Variants in CEP170B observed in about 807,000 individuals in gnomAD.
CEP170B encodes centrosomal protein 170B, also known as centrosomal protein of 170 kDa protein B.
CEP170B carries 55 observed loss-of-function variants against 120.6 expected under a neutral mutation model. That is an observed-to-expected ratio of 0.46 (90% CI 0.37 to 0.57). The LOEUF (loss-of-function observed/expected upper bound fraction) is 0.57, where lower values mean the gene tolerates loss of function less well. CEP170B is among the 20% of genes least tolerant of loss of function. The pLI is 0.00. For synonymous variants in CEP170B, 1,033 were observed against 954.5 expected, an observed-to-expected ratio of 1.08 and a Z score of -1.52; for missense variants, 2,212 against 2,253.3, an observed-to-expected ratio of 0.98 and a Z score of 0.37.
Position 104,891,398 on chromosome 14 carries a change from C to T in CEP170B, c.3879-1578C>T, listed in dbSNP as rs1285106244. On this transcript the variant is annotated intron_variant, in intron 13 of 18. Coordinates refer to ENST00000414716, the MANE Select transcript of CEP170B (RefSeq NM_001112726.3). The surrounding 1 kb of genome is among the most constrained non-coding windows in gnomAD (Gnocchi z 4.3). ...TTGTGGAGGATGCTGAGCTTGAAGC[C>T]CATGAGGGACCTGGAAGGAGGTGGC... is the stretch of plus-strand genomic sequence containing the variant. 1.3e-5 allele frequency among the ~76,000 whole-genome samples: 2 copies of T among 152,010 alleles called. No individual in the cohort carries two copies. Among genetic ancestry groups the T allele is most frequent in the African/African-American group, 2.4e-5 (1 of 41,352 alleles).
chr14:104,880,901 C>A (rs565565685), intron 6 of CEP170B, among the ~76,000 whole-genome samples: 10 of 149,780 alleles, frequency 6.7e-5, no homozygotes, highest in Admixed American at 4.6e-4. Flanking sequence ...TTACCCCACA[C>A]ACACAGCTAC....
In CEP170B at chr14:104,889,714, T is replaced by G. The variant is rs201841589; in HGVS notation, c.3834T>G (p.Pro1278=). The stretch of plus-strand genomic sequence containing the variant: ...ACGACGATGAGGAGGAGCCTGACCC[T>G]TATGGTTTCATCGTGCAGACGGCAG... ...DTDDDEEEPD[P]YGFIVQTAEI... Residue 1278 remains proline, a synonymous_variant, in exon 13 of 19, where the codon CCT becomes CCG. Transcript: ENST00000414716. The G allele has an allele frequency of 3.1e-6, 5 of 1,610,286 alleles. No individual in the cohort carries two copies. The African/African-American group carries it at 4.0e-5, about 13-fold the overall frequency.
At chr14:104,878,790 G>T (rs1895993926) in intron 5 of CEP170B, among the ~76,000 whole-genome samples, 1 of 152,154 alleles carries the variant, frequency 6.6e-6, no homozygotes, top group Admixed American at 6.5e-5. Context: ...GCTCTGGGAG[G>T]GGCCTGGGAG....
At position 104,883,118 on chromosome 14, in the gene CEP170B, C is replaced by T. The variant is rs756704833; in HGVS notation, c.661C>T (p.Arg221Trp). ...PAEPQGCSFR[R>W]EPSYFEIPTK... ...TGAGCCTCAGGGCTGCTCGTTCCGG[C>T]GGGAGCCCAGCTACTTCGAGATCCC... is the stretch of plus-strand genomic sequence containing the variant. Residue 221 changes from arginine to tryptophan, a missense_variant, in exon 8 of 19, where the codon CGG becomes TGG. Physicochemically the swap from Arg to Trp is moderately radical, Grantham distance 101. Transcript: ENST00000414716. 43 of 1,593,590 alleles carry T rather than the reference C, an allele frequency of 2.7e-5. No individual in the cohort carries two copies. Among genetic ancestry groups the T allele is most frequent in the East Asian group, 4.5e-5 (2 of 44,120 alleles).
rs1294926282 is a variant in CEP170B, at chr14:104,883,500, C to G, written c.1043C>G (p.Thr348Ser). The G allele has an allele frequency of 6.5e-7, 1 of 1,540,864 alleles. No individual in the cohort carries two copies. Among genetic ancestry groups the G allele is most frequent in the Non-Finnish European group, 8.8e-7 (1 of 1,140,584 alleles). Reference sequence around the variant, plus strand: ...AGCGACCTGCCTGTCCACACCCGCACCCTGAAGGGTGAGTGCCCAGCTGGC... The same window carrying G: ...AGCGACCTGCCTGTCCACACCCGCAGCCTGAAGGGTGAGTGCCCAGCTGGC... ...TKSDLPVHTRTLKGHKHEDGT... is the reference protein window; with the variant it reads ...TKSDLPVHTRSLKGHKHEDGT... Residue 348 changes from threonine to serine, a missense_variant, in exon 8 of 19, where the codon ACC becomes AGC. Coordinates refer to ENST00000414716, the MANE Select transcript of CEP170B (RefSeq NM_001112726.3).
chr14:104,871,708 A>G (rs1293024070), intron 2 of CEP170B, among the ~76,000 whole-genome samples: 7 of 152,270 alleles, frequency 4.6e-5, no homozygotes, highest in Non-Finnish European at 1.5e-5. Flanking sequence ...CTGAGGCCCA[A>G]GGAGCCGCAG....
At chr14:104,877,836 A>AGCCCCCCCCCCCCCCC in intron 3 of CEP170B, 49 bp from the exon 4 acceptor site, 1 of 237,062 alleles carries the variant, frequency 4.2e-6, no homozygotes, top group South Asian at 4.5e-5. Flanking sequence ...GCCCACAGCC[A>AGCCCCCCCCCCCCCCC]CCCACCCGCG....
At position 104,889,737 on chromosome 14, in the gene CEP170B, C is replaced by T. The variant is rs200360763; in HGVS notation, c.3857C>T (p.Ala1286Val). 58 of 1,605,366 alleles carry T rather than the reference C, an allele frequency of 3.6e-5. No homozygotes were observed. In the African/African-American group the frequency reaches 7.1e-4, roughly 20 times the overall value. ...CCTTATGGTTTCATCGTGCAGACGG[C>T]AGAGATTGCGGAGATTGCCAGGTGA... Reference protein sequence around the residue: ...PDPYGFIVQTAEIAEIARLSQ... With the variant: ...PDPYGFIVQTVEIAEIARLSQ... The change falls in exon 13 of 19, where the codon GCA becomes GTA. Residue 1286 changes from alanine to valine, a missense_variant. Coordinates refer to ENST00000414716, the MANE Select transcript of CEP170B (RefSeq NM_001112726.3).
At chr14:104,872,730 A>C (rs1312656238) in intron 2 of CEP170B, among the ~76,000 whole-genome samples, 2 of 152,082 alleles carry the variant, frequency 1.3e-5, no homozygotes, top group Non-Finnish European at 2.9e-5. Context: ...TGTGGCCGCC[A>C]ATGGGGAACT....
chr14:104,877,862 C>CG lies in CEP170B; in HGVS notation c.196-23_196-22insG, dbSNP rs768138176. 4 of 1,192,884 alleles carry CG rather than the reference C, an allele frequency of 3.4e-6. No individual in the cohort carries two copies. The African/African-American group carries it at 5.1e-5, about 15-fold the overall frequency. 73.9% of individuals were successfully genotyped at this position (1,192,884 alleles called of 1,614,324 possible). A position where few individuals can be genotyped will look rare whatever the true frequency, so the allele number is the denominator to read the frequency against. On this transcript the variant is annotated intron_variant, in intron 3 of 18. Transcript: ENST00000414716. ...CCCACCCGCGCAGCTCCCCCCCCCC[C>CG]CCCGCCACCTGTTTTCCTGCAGACG... is the stretch of plus-strand genomic sequence containing the variant.
intron 2 of CEP170B, among the ~76,000 whole-genome samples, chr14:104,871,281 C>T (rs1470402650): frequency 2.0e-5 from 3 of 152,152 alleles, no homozygotes; most frequent in Non-Finnish European, 4.4e-5. Context: ...TGGGGCCTCT[C>T]AGAGGCATCC....
At chr14:104,894,516 C>G (rs758832144) in intron 17 of CEP170B, 21 bp from the exon 18 acceptor site, 4 of 1,608,490 alleles carry the variant, frequency 2.5e-6, no homozygotes, top group Non-Finnish European at 3.4e-6. Context: ...GACTCCACCT[C>G]CCTTCCTGCC....
intron 3 of CEP170B, among the ~76,000 whole-genome samples, 183 bp from the exon 4 acceptor site, chr14:104,877,702 C>T (rs1167071090): frequency 2.0e-5 from 3 of 152,154 alleles, no homozygotes; most frequent in Non-Finnish European, 2.9e-5. Context: ...GGCTGTGGAA[C>T]TTGGGGCTGG....
Position 104,887,797 on chromosome 14 carries a change from C to A in CEP170B, c.3558C>A (p.Pro1186=). The A allele has an allele frequency of 6.3e-7, 1 of 1,585,964 alleles. No homozygotes were observed. The highest frequency in any genetic ancestry group is 8.6e-7 in the Non-Finnish European group (1 of 1,168,596). Residue 1186 remains proline (P), a synonymous_variant, in exon 12 of 19, where the codon CCC becomes CCA. Transcript: ENST00000414716. The part of the protein sequence containing the change: ...RAGSFTGTSD[P]EAAPARTSFS... ...GCTCCTTCACAGGGACTAGTGACCC[C>A]GAGGCAGCCCCTGCCCGCACCAGCT...
intron 3 of CEP170B, 53 bp from the exon 4 acceptor site, chr14:104,877,832 A>AACCCCCCC: frequency 3.3e-6 from 1 of 307,622 alleles, no homozygotes; most frequent in Admixed American, 6.2e-5. Flanking sequence ...CCCTGCCCAC[A>AACCCCCCC]GCCACCCACC....
At chr14:104,890,233 AATAGGAGGGTGG>A (rs1566872921) in intron 13 of CEP170B, among the ~76,000 whole-genome samples, 4 of 25,516 alleles carry the variant, frequency 1.6e-4, no homozygotes, top group Non-Finnish European at 2.2e-4. Context: ...TGGATGGATG[AATAGGAGGGTGG>A]GTGGGTGGAT....
intron 13 of CEP170B, among the ~76,000 whole-genome samples, chr14:104,892,096 G>A (rs556051841): frequency 1.3e-5 from 2 of 152,260 alleles, no homozygotes; most frequent in East Asian, 1.9e-4. Context: ...GAGGCTTGGG[G>A]TGGGGCCTGT....
In CEP170B at chr14:104,870,279, C is replaced by A. The variant is rs1895409648; in HGVS notation, c.105+1724C>A. Among the ~76,000 whole-genome samples, 1 of 152,220 alleles carries A rather than the reference C, an allele frequency of 6.6e-6. No homozygotes were observed. The highest frequency in any genetic ancestry group is 2.1e-4 in the South Asian group (1 of 4,826). ...TGAAGTATCAATTTCCCATAATTTTCATGTGTCATGAAATAGCCTTTTGAT... is the reference window on the plus strand; with the variant it reads ...TGAAGTATCAATTTCCCATAATTTTAATGTGTCATGAAATAGCCTTTTGAT... On this transcript the variant is annotated intron_variant, in intron 2 of 18. Coordinates refer to ENST00000414716, the MANE Select transcript of CEP170B (RefSeq NM_001112726.3). The surrounding 1 kb of genome is among the most constrained non-coding windows in gnomAD (Gnocchi z 4.1).
chr14:104,887,452 C>G lies in CEP170B; in HGVS notation c.3213C>G (p.Thr1071=), dbSNP rs774790146. The G allele has an allele frequency of 6.2e-7, 1 of 1,611,292 alleles. No homozygotes were observed. Among genetic ancestry groups the G allele is most frequent in the African/African-American group, 1.3e-5 (1 of 75,052 alleles). ...MASNHETPEA[T]GAGRLGSRRK... is the part of the protein sequence containing the mutation. ...CCAACCACGAAACCCCTGAGGCCAC[C>G]GGGGCAGGACGGCTAGGTTCTCGCC... Residue 1071 remains threonine (T), a synonymous_variant, in exon 12 of 19, where the codon ACC becomes ACG. Coordinates refer to ENST00000414716, the MANE Select transcript of CEP170B (RefSeq NM_001112726.3).
Sources: gnomAD v4.1 joint callset for allele counts (sites outside exome capture counted in the v4.1 genomes callset) on GRCh38, gnomAD v4.1.1 for gene constraint, Gnocchi (gnomAD v3.1) non-coding constraint, MANE v1.5 for transcripts, NCBI Gene and HGNC (gene_info 2026-07-23, HGNC 2026-07-21) for gene names.